Variants in DACH2 observed in about 807,000 individuals in gnomAD.
DACH2 encodes dachshund family transcription factor 2.
Under a neutral mutation model 35.8 loss-of-function variants are expected in DACH2, and 17 were observed. That is an observed-to-expected ratio of 0.48 (90% CI 0.33 to 0.71). DACH2 has a LOEUF of 0.71. Among genes scored for constraint, DACH2 ranks in the 30% least tolerant of loss-of-function variants. The pLI is 0.02. For missense variants in DACH2, 469 were observed against 472.7 expected (o/e 0.99, Z 0.07); for synonymous variants, 195 against 177.3 (o/e 1.10, Z -0.79).
chrX:86,318,885 C>T (rs753922322), intron 1 of DACH2, among the ~76,000 whole-genome samples: 8 of 111,907 alleles, frequency 7.1e-5, no homozygotes, highest in East Asian at 2.8e-4. Flanking sequence ...TTTTCCAAAA[C>T]GATGAGTCAA....
intron 1 of DACH2, among the ~76,000 whole-genome samples, chrX:86,265,591 T>A (rs2033697425): frequency 8.9e-6 from 1 of 112,201 alleles, no homozygotes; most frequent in Non-Finnish European, 1.9e-5. Context: ...AATAAACATT[T>A]TGAATATTTG....
At chrX:86,685,186 G>T (rs1041117004) in intron 4 of DACH2, among the ~76,000 whole-genome samples, 6 of 111,203 alleles carry the variant, frequency 5.4e-5, no homozygotes, top group Non-Finnish European at 7.5e-5. Context: ...CTTTGTAAAG[G>T]CTAGTTTATT....
chrX:86,201,319 G>A (rs180709977), intron 1 of DACH2, among the ~76,000 whole-genome samples: 3,395 of 108,926 alleles, frequency 0.031, 140 homozygotes, highest in African/African-American at 0.11. Context: ...AGAGGATCAG[G>A]AAAAATAACT....
chrX:86,259,417 A>G (rs2033584971), intron 1 of DACH2, among the ~76,000 whole-genome samples: 1 of 111,626 alleles, frequency 9.0e-6, no homozygotes, highest in South Asian at 3.7e-4. Flanking sequence ...GGGGATATAG[A>G]TTGCATTTAA....
rs145609150 is a variant in DACH2, at chrX:86,373,129, G to A, written c.489-3695G>A. 8.2e-3 allele frequency among the ~76,000 whole-genome samples: 913 copies of A among 110,712 alleles called. 7 individuals carry two copies. The highest frequency in any genetic ancestry group is 0.028 in the African/African-American group (863 of 30,457). ...TTGCTATTATGAGTAGTGCTGTGATGAACATACAAGTTCATGTGTGTTTTT... is the reference window on the plus strand; with the variant it reads ...TTGCTATTATGAGTAGTGCTGTGATAAACATACAAGTTCATGTGTGTTTTT... On this transcript the variant is annotated intron_variant, in intron 1 of 11. Transcript: ENST00000373125.
rs1158803843 is a variant in DACH2 at position 86,727,526 on chromosome X, A to G, written c.1105-12221A>G. Among the ~76,000 whole-genome samples, 3 of 111,333 alleles carry G rather than the reference A, an allele frequency of 2.7e-5. No individual in the cohort carries two copies. The East Asian group carries it at 8.5e-4, about 32-fold the overall frequency. ...CACCCAAATCTCATGTTGAAATCTA[A>G]TCCACAATGTTGGAGCCAGGGCCTG... On this transcript the variant is annotated intron_variant, in intron 6 of 11. Coordinates refer to ENST00000373125, the MANE Select transcript of DACH2 (RefSeq NM_053281.3).
At chrX:86,817,799 C>T (rs752540415) in intron 11 of DACH2, among the ~76,000 whole-genome samples, 1 of 111,816 alleles carries the variant, frequency 8.9e-6, no homozygotes, top group East Asian at 2.8e-4. Flanking sequence ...ATCCACTCTT[C>T]GTTTCCAAAT....
At chrX:86,279,015 A>G (rs1444264578) in intron 1 of DACH2, among the ~76,000 whole-genome samples, 1 of 112,074 alleles carries the variant, frequency 8.9e-6, no homozygotes, top group Admixed American at 9.5e-5. Flanking sequence ...CGGGCAGGGC[A>G]TCTTTAAAAT....
At chrX:86,434,668 C>T (rs1180470133) in intron 2 of DACH2, among the ~76,000 whole-genome samples, 1 of 111,562 alleles carries the variant, frequency 9.0e-6, no homozygotes, top group Non-Finnish European at 1.9e-5. Context: ...TTCTTTTTTC[C>T]ACCACTGTTT....
chrX:86,309,646 T>C (rs1402199788), intron 1 of DACH2, among the ~76,000 whole-genome samples: 1 of 111,743 alleles, frequency 8.9e-6, no homozygotes, highest in African/African-American at 3.3e-5. Context: ...CTGACTAAAA[T>C]TGAGGGATAA....
At chrX:86,339,086 C>T (rs190831590) in intron 1 of DACH2, among the ~76,000 whole-genome samples, 61 of 111,679 alleles carry the variant, frequency 5.5e-4, no homozygotes, top group Admixed American at 1.2e-3. Flanking sequence ...AGCCTACCAA[C>T]CAAAAACAGT....
intron 1 of DACH2, among the ~76,000 whole-genome samples, chrX:86,240,991 T>C (rs953134359): frequency 1.8e-5 from 2 of 111,663 alleles, no homozygotes; most frequent in African/African-American, 6.5e-5. Context: ...AATTAACTTA[T>C]TTTCTTTATA....
intron 1 of DACH2, among the ~76,000 whole-genome samples, chrX:86,217,095 T>A (rs199822088): frequency 9.7e-3 from 837 of 85,990 alleles, no homozygotes; most frequent in East Asian, 0.012. Context: ...ATCTCAAAAA[T>A]AAAAAAAAAA....
chrX:86,402,051 G>A (rs763253136), intron 2 of DACH2, among the ~76,000 whole-genome samples: 22 of 111,862 alleles, frequency 2.0e-4, no homozygotes, highest in African/African-American at 2.6e-4. Flanking sequence ...TAAAAGTGCC[G>A]TCTATGACAA....
chrX:86,383,244 A>G (rs1012727974), intron 2 of DACH2, among the ~76,000 whole-genome samples: 4 of 110,246 alleles, frequency 3.6e-5, no homozygotes, highest in Admixed American at 1.9e-4. Context: ...CAAGTAACTG[A>G]CAAGATTATT....
chrX:86,570,965 T>A (rs1344334622), intron 3 of DACH2, among the ~76,000 whole-genome samples: 1 of 111,368 alleles, frequency 9.0e-6, no homozygotes, highest in Non-Finnish European at 1.9e-5. Flanking sequence ...TTATATCAAA[T>A]TTTTATTTTA....
intron 2 of DACH2, among the ~76,000 whole-genome samples, chrX:86,458,255 G>T (rs1382665028): frequency 2.7e-5 from 3 of 111,324 alleles, no homozygotes; most frequent in African/African-American, 6.5e-5. Flanking sequence ...CCAATAAAAA[G>T]GCAAATGTTG....
rs764775335 is a variant in DACH2 at position 86,654,187 on chromosome X, TAAAAAAAAAA to T, written c.772+3038_772+3047del. On this transcript the variant is annotated intron_variant, in intron 4 of 11. Transcript: ENST00000373125. ...GGCCCTGTCTCCCAAACATTTTTAG[TAAAAAAAAAA>T]AAAAAAAAAAAAAAAAACGCAATTA... Among the ~76,000 whole-genome samples, 7 of 40,450 alleles carry T rather than the reference TAAAAAAAAAA, an allele frequency of 1.7e-4. No homozygotes were observed. In the Admixed American group the frequency reaches 2.2e-3, roughly 12 times the overall value. The allele number at this position is 40,450 out of a possible 115,157, so 35.1% of individuals were successfully genotyped here.
At chrX:86,566,015 A>T (rs898507238) in intron 3 of DACH2, among the ~76,000 whole-genome samples, 1 of 111,625 alleles carries the variant, frequency 9.0e-6, no homozygotes, top group African/African-American at 3.2e-5. Flanking sequence ...TTTTTAAAAA[A>T]CTCACAACTT....
Sources: allele counts gnomAD v4.1 joint callset (sites outside exome capture counted in the v4.1 genomes callset), GRCh38; gene constraint gnomAD v4.1.1; transcripts MANE v1.5; gene names NCBI Gene and HGNC (gene_info 2026-07-23, HGNC 2026-07-21).